Variants in CCSER1 observed in about 807,000 individuals in gnomAD.
The protein encoded by CCSER1 is serine-rich coiled-coil domain-containing protein 1.
In CCSER1, 41 loss-of-function variants were observed where a neutral mutation model predicts 82.0. The ratio of observed to expected loss-of-function variants is 0.50; its 90% CI spans 0.39 to 0.65. The LOEUF (loss-of-function observed/expected upper bound fraction) is 0.65. CCSER1 is among the 30% of genes least tolerant of loss of function. The pLI is 0.00. For synonymous variants in CCSER1, 414 were observed against 383.9 expected (o/e 1.08, Z -0.92); for missense variants, 1,119 against 1,064.2 (o/e 1.05, Z -0.72).
At chr4:90,716,469 A>G (rs1741657442) in intron 6 of CCSER1, among the ~76,000 whole-genome samples, 1 of 152,108 alleles carries the variant, frequency 6.6e-6, no homozygotes, top group Admixed American at 6.6e-5. Context: ...AAGTGGTATC[A>G]TGGCTGTCTA....
intron 6 of CCSER1, among the ~76,000 whole-genome samples, chr4:90,695,514 G>C (rs761188246): frequency 4.0e-5 from 6 of 151,890 alleles, no homozygotes; most frequent in Non-Finnish European, 5.9e-5. Context: ...AAGTATCATA[G>C]AATGTCAGAC....
intron 10 of CCSER1, among the ~76,000 whole-genome samples, chr4:91,200,221 T>A (rs1274095533): frequency 9.9e-5 from 15 of 152,124 alleles, no homozygotes; most frequent in Non-Finnish European, 1.5e-5. Context: ...AAAGAAAGAT[T>A]GTTTTCAAAT....
At chr4:91,536,088 C>T (rs192651359) in intron 10 of CCSER1, among the ~76,000 whole-genome samples, 16 of 152,142 alleles carry the variant, frequency 1.1e-4, no homozygotes, top group African/African-American at 3.9e-4. Context: ...CAGTTTTCAA[C>T]ATAAAACGTT....
intron 4 of CCSER1, among the ~76,000 whole-genome samples, chr4:90,411,953 T>G (rs1026696943): frequency 6.6e-6 from 1 of 151,928 alleles, no homozygotes; most frequent in Admixed American, 6.6e-5. Context: ...TGTGCAAAAA[T>G]CACAGGCATT....
intron 10 of CCSER1, among the ~76,000 whole-genome samples, chr4:91,237,306 A>T (rs1739089679): frequency 1.3e-5 from 2 of 151,762 alleles, no homozygotes; most frequent in Admixed American, 1.3e-4. Flanking sequence ...CAGTGAAAGA[A>T]GGGTTACTGA....
chr4:91,046,725 G>T (rs1391558396), intron 9 of CCSER1, among the ~76,000 whole-genome samples: 2 of 151,744 alleles, frequency 1.3e-5, no homozygotes, highest in African/African-American at 2.4e-5. Flanking sequence ...TTTGTTTTGG[G>T]AGCTTTTTTT....
At chr4:91,565,112 G>A (rs1560767370) in intron 10 of CCSER1, among the ~76,000 whole-genome samples, 1 of 148,730 alleles carries the variant, frequency 6.7e-6, no homozygotes, top group East Asian at 2.1e-4. Context: ...TCAATCTTCT[G>A]CATATGGCTA....
chr4:90,518,955 G>A (rs1287847169), intron 5 of CCSER1, among the ~76,000 whole-genome samples: 6 of 151,806 alleles, frequency 4.0e-5, no homozygotes, highest in Non-Finnish European at 8.9e-5. Context: ...GAGCAAATTT[G>A]TTTCCAATAA....
At chr4:91,160,295 T>C (rs536920950) in intron 10 of CCSER1, among the ~76,000 whole-genome samples, 4 of 152,224 alleles carry the variant, frequency 2.6e-5, no homozygotes, top group East Asian at 3.8e-4. Flanking sequence ...CAGTCTGTAA[T>C]TGATGGACAT....
At chr4:90,264,504 A>G (rs1410081299) in intron 1 of CCSER1, among the ~76,000 whole-genome samples, 1 of 152,144 alleles carries the variant, frequency 6.6e-6, no homozygotes, top group Non-Finnish European at 1.5e-5. Flanking sequence ...TCACTGCCCC[A>G]CCTACAACAC....
chr4:90,457,760 A>T (rs959519522), intron 4 of CCSER1, among the ~76,000 whole-genome samples: 2 of 152,178 alleles, frequency 1.3e-5, no homozygotes, highest in African/African-American at 4.8e-5. Context: ...GCTCCAAGCA[A>T]CTGGCAGCCT....
intron 4 of CCSER1, among the ~76,000 whole-genome samples, chr4:90,425,926 A>ATTTT (rs1560500211): frequency 1.3e-5 from 2 of 151,260 alleles, no homozygotes; most frequent in South Asian, 2.1e-4. Context: ...TTTTTTTTAA[A>ATTTT]AAAAAAACGT....
chr4:91,291,543 G>T (rs1279030757), intron 10 of CCSER1, among the ~76,000 whole-genome samples: 3 of 152,044 alleles, frequency 2.0e-5, no homozygotes, highest in Admixed American at 2.0e-4. Flanking sequence ...AAGCAAAGGG[G>T]GCGCACACAT....
At chr4:90,149,284 G>A (rs986636288) in intron 1 of CCSER1, among the ~76,000 whole-genome samples, 22 of 152,038 alleles carry the variant, frequency 1.4e-4, no homozygotes, top group African/African-American at 4.8e-4. Flanking sequence ...AATCCATGCA[G>A]TAGGGCTCTC....
At chr4:90,293,119 C>G (rs1731230059) in intron 1 of CCSER1, among the ~76,000 whole-genome samples, 1 of 151,726 alleles carries the variant, frequency 6.6e-6, no homozygotes, top group South Asian at 2.1e-4. Context: ...ATGTTACCAT[C>G]TTTATACATC....
At chr4:91,577,655 T>C (rs934307124) in intron 10 of CCSER1, among the ~76,000 whole-genome samples, 2 of 152,006 alleles carry the variant, frequency 1.3e-5, no homozygotes, top group Non-Finnish European at 2.9e-5. Context: ...AACACTCCGT[T>C]AAGCGATACT....
intron 5 of CCSER1, among the ~76,000 whole-genome samples, chr4:90,500,337 C>T (rs1319738623): frequency 6.6e-6 from 1 of 151,234 alleles, no homozygotes; most frequent in African/African-American, 2.4e-5. Context: ...ATACTTGATC[C>T]ACATTTTTTT....
chr4:90,784,092 G>T (rs1172550853), intron 7 of CCSER1, among the ~76,000 whole-genome samples: 2 of 152,188 alleles, frequency 1.3e-5, no homozygotes, highest in African/African-American at 2.4e-5. Flanking sequence ...AAAATATTAA[G>T]CCAGTTTAAA....
intron 1 of CCSER1, among the ~76,000 whole-genome samples, chr4:90,235,586 C>T (rs1262014153): frequency 6.6e-6 from 1 of 152,064 alleles, no homozygotes; most frequent in Admixed American, 6.6e-5. Context: ...AATCCTGAAA[C>T]ATATAAATTT....
Sources: allele counts gnomAD v4.1 joint callset (sites outside exome capture counted in the v4.1 genomes callset), GRCh38; gene constraint gnomAD v4.1.1; transcripts MANE v1.5; gene names NCBI Gene and HGNC (gene_info 2026-07-23, HGNC 2026-07-21).